The following MAD1L1 variants were observed in gnomAD, a reference collection of about 807,000 sequenced individuals.
MAD1L1 encodes mitotic spindle assembly checkpoint protein MAD1.
In MAD1L1, 95 loss-of-function variants were observed where a neutral mutation model predicts 96.9. The observed-to-expected ratio is 0.98, with a 90% confidence interval of 0.83 to 1.16. The LOEUF (loss-of-function observed/expected upper bound fraction) is 1.16. Ranked by LOEUF, MAD1L1 falls within the 50% of genes most tolerant of loss-of-function variation. The pLI, the probability that MAD1L1 is intolerant of heterozygous loss-of-function variation, is 0.00. For missense variants in MAD1L1, 1,007 were observed against 954.4 expected, an observed-to-expected ratio of 1.06 and a Z score of -0.73; for synonymous variants, 473 against 396.6, an observed-to-expected ratio of 1.19 and a Z score of -2.29.
chr7:1,841,683 C>T (rs571582094), intron 18 of MAD1L1, among the ~76,000 whole-genome samples: 5 of 152,346 alleles, frequency 3.3e-5, no homozygotes, highest in South Asian at 4.1e-4. Context: ...CCGGCCTTCC[C>T]GGACCACCAA....
chr7:2,095,207 T>C (rs1786422283), intron 11 of MAD1L1, among the ~76,000 whole-genome samples: 1 of 152,108 alleles, frequency 6.6e-6, no homozygotes, highest in African/African-American at 2.4e-5. Flanking sequence ...CACGCCTGGC[T>C]ACATTTTTTT....
At chr7:1,966,885 G>C in intron 15 of MAD1L1, among the ~76,000 whole-genome samples, 1 of 152,244 alleles carries the variant, frequency 6.6e-6, no homozygotes, top group Non-Finnish European at 1.5e-5. Context: ...AATAAAGACG[G>C]ACCCACCCGA....
intron 18 of MAD1L1, among the ~76,000 whole-genome samples, chr7:1,889,752 G>C (rs539149432): frequency 5.3e-4 from 81 of 152,308 alleles, no homozygotes; most frequent in African/African-American, 1.7e-3. Flanking sequence ...GCTGTCAGCT[G>C]AGCCTGCCAT....
chr7:2,021,684 G>A (rs1280149683), intron 12 of MAD1L1, among the ~76,000 whole-genome samples: 1 of 152,100 alleles, frequency 6.6e-6, no homozygotes, highest in East Asian at 1.9e-4. Flanking sequence ...AGAATCGCTT[G>A]AACCCAGGAA....
chr7:2,091,741 A>T (rs1442327071), intron 11 of MAD1L1, among the ~76,000 whole-genome samples: 2 of 151,644 alleles, frequency 1.3e-5, no homozygotes, highest in Non-Finnish European at 1.5e-5. Context: ...ACGCCACTGC[A>T]CTACAGCCTG....
intron 11 of MAD1L1, among the ~76,000 whole-genome samples, chr7:2,082,828 G>A (rs765153671): frequency 5.3e-5 from 8 of 152,224 alleles, no homozygotes; most frequent in South Asian, 2.1e-4. Context: ...ACGCCTGTGC[G>A]CCGCACGACC....
intron 10 of MAD1L1, among the ~76,000 whole-genome samples, chr7:2,210,343 C>T (rs113137208): frequency 0.036 from 5,498 of 151,908 alleles, 285 homozygotes; most frequent in African/African-American, 0.12. Flanking sequence ...ACCACTGGGA[C>T]TACAGGTGTG....
rs1562502212 is a variant in MAD1L1 at position 1,898,288 on chromosome 7, G to A, written c.1910C>T (p.Thr637Ile). 1 of 1,614,160 alleles carries A rather than the reference G, an allele frequency of 6.2e-7. No homozygotes were observed. Among genetic ancestry groups the A allele is most frequent in the Non-Finnish European group, 8.5e-7 (1 of 1,180,036 alleles). ...CGTGGTGATGTCGATCTGGTAGCCG[G>A]TGAGCGTGTAGCAGGCCTTGCGGAA... ...QEFRKACYTLTGYQIDITTEN... is the reference protein window; with the variant it reads ...QEFRKACYTLIGYQIDITTEN... The change falls in exon 18 of 19, where the codon ACC becomes ATC. Residue 637 changes from threonine to isoleucine, a missense_variant. By Grantham distance (89) the Thr-to-Ile change is moderately conservative. Transcript: ENST00000265854.
intron 11 of MAD1L1, chr7:2,079,624 G>GA (rs1312194328): frequency 2.1e-6 from 1 of 470,660 alleles, no homozygotes; most frequent in African/African-American, 2.0e-5. Context: ...ATGTGAGAAG[G>GA]AAAATTGCCC....
At chr7:2,143,204 G>A (rs1034242896) in intron 11 of MAD1L1, among the ~76,000 whole-genome samples, 11 of 151,844 alleles carry the variant, frequency 7.2e-5, no homozygotes, top group South Asian at 2.1e-4. Context: ...AGAAAGACTC[G>A]CTCGGAGAGC....
intron 18 of MAD1L1, among the ~76,000 whole-genome samples, chr7:1,893,849 C>T (rs1786704466): frequency 6.6e-6 from 1 of 152,216 alleles, no homozygotes; most frequent in Non-Finnish European, 1.5e-5. Context: ...CTTATCTCTC[C>T]TCTGGACAGT....
intron 15 of MAD1L1, among the ~76,000 whole-genome samples, chr7:1,964,982 C>T (rs1467955939): frequency 6.6e-6 from 1 of 152,212 alleles, no homozygotes; most frequent in East Asian, 1.9e-4. Context: ...CCACGGGTCC[C>T]AGACCCCTGC....
chr7:2,219,302 C>A, intron 6 of MAD1L1, 30 bp downstream of exon 6: 3 of 1,538,028 alleles, frequency 2.0e-6, no homozygotes, highest in South Asian at 2.4e-5. Flanking sequence ...CGTGACCCGA[C>A]CCCCGACCCC....
chr7:2,046,905 T>C (rs1783947493), intron 12 of MAD1L1, among the ~76,000 whole-genome samples: 1 of 152,180 alleles, frequency 6.6e-6, no homozygotes, highest in Admixed American at 6.5e-5. Flanking sequence ...TCCCAGGTGC[T>C]ACCTCTGCAC....
At chr7:1,879,416 T>C (rs1324182719) in intron 18 of MAD1L1, among the ~76,000 whole-genome samples, 2 of 144,762 alleles carry the variant, frequency 1.4e-5, no homozygotes, top group Admixed American at 1.4e-4. Flanking sequence ...GATCACTCCA[T>C]GGCACTCCAG....
chr7:2,229,900 C>G, intron 3 of MAD1L1, 84 bp downstream of exon 3: 2 of 1,455,572 alleles, frequency 1.4e-6, no homozygotes, highest in Non-Finnish European at 1.9e-6. Flanking sequence ...ACCGACCCAC[C>G]TCAACTACAG....
intron 12 of MAD1L1, among the ~76,000 whole-genome samples, chr7:2,031,677 C>A (rs1189840294): frequency 6.6e-6 from 1 of 152,254 alleles, no homozygotes; most frequent in Non-Finnish European, 1.5e-5. Context: ...ATACCCAAGC[C>A]ACAGTGGCTG....
chr7:1,905,341 T>C (rs1402723309), intron 17 of MAD1L1, among the ~76,000 whole-genome samples: 6 of 96,076 alleles, frequency 6.2e-5, no homozygotes, highest in African/African-American at 1.7e-4. Context: ...GAAGACGTTC[T>C]TGTGGAACTC....
chr7:2,016,524 C>T (rs866696160), intron 12 of MAD1L1, among the ~76,000 whole-genome samples: 27 of 152,308 alleles, frequency 1.8e-4, no homozygotes, highest in African/African-American at 6.3e-4. Context: ...CTAGGAGAGA[C>T]CGACCCAGTG....
Sources: gnomAD v4.1 joint callset for allele counts (sites outside exome capture counted in the v4.1 genomes callset) on GRCh38, gnomAD v4.1.1 for gene constraint, MANE v1.5 for transcripts, NCBI Gene and HGNC (gene_info 2026-07-23, HGNC 2026-07-21) for gene names.